STRBP: variants seen among roughly 807,000 people sequenced by gnomAD.
STRBP encodes the protein spermatid perinuclear RNA binding protein, also known as spermatid perinuclear RNA-binding protein.
In STRBP, 13 loss-of-function variants were observed where a neutral mutation model predicts 80.1. The ratio of observed to expected loss-of-function variants is 0.16; its 90% CI spans 0.11 to 0.26. The LOEUF is 0.26. Ranked by LOEUF, STRBP falls within the 10% of genes least tolerant of loss-of-function variation. The probability of loss-of-function intolerance (pLI) is 1.00; values close to 1 mark genes in which losing one functional copy is unlikely to be tolerated. For missense variants in STRBP, 485 were observed against 815.2 expected (o/e 0.59, Z 4.93); for synonymous variants, 284 against 291.2 (o/e 0.98, Z 0.25).
At chr9:123,167,841 G>A (rs1277282553) in intron 6 of STRBP, among the ~76,000 whole-genome samples, 1 of 152,028 alleles carries the variant, frequency 6.6e-6, no homozygotes, top group South Asian at 2.1e-4. Flanking sequence ...ATAGTTTCTA[G>A]CAAGAGTACA....
At chr9:123,258,647 C>A (rs2041089622) in intron 1 of STRBP, among the ~76,000 whole-genome samples, 1 of 151,672 alleles carries the variant, frequency 6.6e-6, no homozygotes, top group Non-Finnish European at 1.5e-5. Context: ...ATTAAAAATA[C>A]AAAAAAATTA....
intron 16 of STRBP, among the ~76,000 whole-genome samples, chr9:123,135,550 T>C (rs944958099): frequency 7.1e-4 from 108 of 152,210 alleles, no homozygotes; most frequent in African/African-American, 2.5e-3. Flanking sequence ...ACATTCCCAG[T>C]GTCAGTAATG....
Position 123,122,337 on chromosome 9 carries a change from C to T in STRBP, c.*3260G>A, listed in dbSNP as rs750337840. On this transcript the variant is annotated 3_prime_UTR_variant, in exon 19 of 19. Transcript: ENST00000348403. ...CTTAAAAGTATTAACCTGAAATACACAGAGGGTCCAACACCAGTTTTAAAA... is the reference window on the plus strand; with the variant it reads ...CTTAAAAGTATTAACCTGAAATACATAGAGGGTCCAACACCAGTTTTAAAA... The T allele has an allele frequency of 2.7e-5, 35 of 1,288,036 alleles. No homozygotes were observed. The highest frequency in any genetic ancestry group is 1.2e-4 in the Admixed American group (5 of 43,426). The allele number at this position is 1,288,036 out of a possible 1,614,324, so 79.8% of individuals were successfully genotyped here.
intron 2 of STRBP, among the ~76,000 whole-genome samples, chr9:123,217,718 A>C (rs942576572): frequency 6.6e-6 from 1 of 152,234 alleles, no homozygotes; most frequent in Non-Finnish European, 1.5e-5. Context: ...ATGCTGAACT[A>C]TTTTAAACTT....
intron 2 of STRBP, among the ~76,000 whole-genome samples, chr9:123,210,319 T>C (rs773428628): frequency 6.6e-6 from 1 of 151,032 alleles, no homozygotes. Context: ...ACCCTAAAGA[T>C]GGTAAAAAGA....
Position 123,125,363 on chromosome 9 carries a change from A to G in STRBP, c.*234T>C, listed in dbSNP as rs2035852690. 2 of 1,204,300 alleles carry G rather than the reference A, an allele frequency of 1.7e-6. No individual in the cohort carries two copies. Among genetic ancestry groups the G allele is most frequent in the Non-Finnish European group, 2.1e-6 (2 of 970,040 alleles). 74.6% of individuals were successfully genotyped at this position (1,204,300 alleles called of 1,614,324 possible). ...ATTTCCCTAGAACAGAAGGGCTGGT[A>G]TAAGTTATTTTCCAGAAATGAGGTA... On this transcript the variant is annotated 3_prime_UTR_variant, in exon 19 of 19. Coordinates refer to ENST00000348403, the MANE Select transcript of STRBP (RefSeq NM_018387.5).
At position 123,128,243 on chromosome 9, in the gene STRBP, T is replaced by C. The variant is rs773341067; in HGVS notation, c.1913A>G (p.Tyr638Cys). ...GGCAGGGGCAGCTGTGCTGTAACCA[T>C]ATGGTGTTCCATAGCCTAGTGCAAA... Reference protein sequence around the residue: ...GYIAPGYGTPYGYSTAAPAYG... With the variant: ...GYIAPGYGTPCGYSTAAPAYG... The change falls in exon 18 of 19, where the codon TAT (tyrosine) becomes TGT (cysteine). Residue 638 changes from tyrosine to cysteine, a missense_variant. Around this residue, in one of 3 missense-constraint regions of STRBP, gnomAD observed 85 missense variants for 120.1 expected, o/e 0.71. Transcript: ENST00000348403. The C allele has an allele frequency of 1.2e-6, 2 of 1,614,196 alleles. No individual in the cohort carries two copies. Among genetic ancestry groups the C allele is most frequent in the Non-Finnish European group, 1.7e-6 (2 of 1,180,034 alleles).
chr9:123,222,372 C>T (rs776860475), intron 2 of STRBP, among the ~76,000 whole-genome samples: 10 of 152,084 alleles, frequency 6.6e-5, no homozygotes, highest in Non-Finnish European at 4.4e-5. Context: ...CACCTGGAAT[C>T]AGCCACTTCT....
Position 123,252,052 on chromosome 9 carries a change from T to C in STRBP, c.-301-15086A>G, listed in dbSNP as rs1011366326. 7.9e-5 allele frequency among the ~76,000 whole-genome samples: 12 copies of C among 151,848 alleles called. No individual in the cohort carries two copies. In the East Asian group the frequency reaches 2.3e-3, roughly 29 times the overall value. On this transcript the variant is annotated intron_variant, in intron 1 of 18. Coordinates refer to ENST00000348403, the MANE Select transcript of STRBP (RefSeq NM_018387.5). ...TATTTTTTTTTTTTTAGCTCAATTA[T>C]ACAATACCCAATGAAGGTATTTGCC...
chr9:123,208,612 A>AT (rs2039604727), intron 2 of STRBP, among the ~76,000 whole-genome samples: 2 of 152,342 alleles, frequency 1.3e-5, no homozygotes, highest in African/African-American at 4.8e-5. Context: ...ATATACATGA[A>AT]TAAGTATGGC....
chr9:123,169,964 A>G lies in STRBP; in HGVS notation c.473T>C (p.Leu158Pro). The G allele has an allele frequency of 1.2e-6, 2 of 1,609,124 alleles. No individual in the cohort carries two copies. Among genetic ancestry groups the G allele is most frequent in the South Asian group, 1.1e-5 (1 of 89,600 alleles). Residue 158 changes from leucine to proline, a missense_variant, in exon 6 of 19, where the codon CTA becomes CCA. Leu to Pro is a moderately conservative substitution (Grantham distance 98, BLOSUM62 -3). Coordinates refer to ENST00000348403, the MANE Select transcript of STRBP (RefSeq NM_018387.5). ...IIIRNTKEPT[L>P]TLKVILTSPL... ...TGAGGTAAGTATCACCTTCAAAGTT[A>G]GCGTGGGCTCTTTTGTATTCCGAAT...
intron 1 of STRBP, among the ~76,000 whole-genome samples, chr9:123,266,874 T>TCC (rs1280705304): frequency 6.6e-6 from 1 of 151,756 alleles, no homozygotes; most frequent in Non-Finnish European, 1.5e-5. Context: ...TCTCCCTACC[T>TCC]CCCTTCTCCC....
At chr9:123,178,739 CATA>C (rs770271225) in intron 4 of STRBP, among the ~76,000 whole-genome samples, 18 of 152,134 alleles carry the variant, frequency 1.2e-4, no homozygotes, top group Non-Finnish European at 2.5e-4. Flanking sequence ...AACTTTGAAA[CATA>C]ATGATTTTAA....
chr9:123,165,177 A>C (rs2037699021), intron 6 of STRBP, among the ~76,000 whole-genome samples: 1 of 150,854 alleles, frequency 6.6e-6, no homozygotes, highest in Admixed American at 6.6e-5. Context: ...GCTATTCAGG[A>C]GGCTGAGGCA....
At chr9:123,234,715 A>G (rs955305481) in intron 2 of STRBP, among the ~76,000 whole-genome samples, 3 of 152,070 alleles carry the variant, frequency 2.0e-5, no homozygotes, top group Non-Finnish European at 4.4e-5. Flanking sequence ...ATCCCAGCAC[A>G]TTGGGAAGTT....
chr9:123,249,170 G>A (rs1353580045), intron 1 of STRBP, among the ~76,000 whole-genome samples: 1 of 152,174 alleles, frequency 6.6e-6, no homozygotes, highest in Non-Finnish European at 1.5e-5. Context: ...TTAAGCTCAG[G>A]AGTTGGAAAC....
At chr9:123,215,855 C>G (rs1307601807) in intron 2 of STRBP, among the ~76,000 whole-genome samples, 1 of 152,082 alleles carries the variant, frequency 6.6e-6, no homozygotes, top group African/African-American at 2.4e-5. Flanking sequence ...AACAAGAAGG[C>G]CCTCAGCTTC....
At chr9:123,145,616 T>C (rs2036778849) in intron 13 of STRBP, among the ~76,000 whole-genome samples, 1 of 152,212 alleles carries the variant, frequency 6.6e-6, no homozygotes, top group African/African-American at 2.4e-5. Flanking sequence ...AAACTCTCTG[T>C]TCTTAAGACG....
intron 13 of STRBP, among the ~76,000 whole-genome samples, chr9:123,141,166 TA>T (rs2036576881): frequency 6.6e-6 from 1 of 152,226 alleles, no homozygotes; most frequent in Non-Finnish European, 1.5e-5. Flanking sequence ...CCAGCCTTTA[TA>T]AACAACTGCA....
Sources: allele counts gnomAD v4.1 joint callset (sites outside exome capture counted in the v4.1 genomes callset), GRCh38; gene constraint gnomAD v4.1.1; regional missense constraint gnomAD v4.1.1; transcripts MANE v1.5; gene names NCBI Gene and HGNC (gene_info 2026-07-23, HGNC 2026-07-21).